ZNF335: variants seen among roughly 807,000 people sequenced by gnomAD.
ZNF335 encodes the protein NRC-interacting factor 1.
ZNF335 carries 84 observed loss-of-function variants against 145.6 expected under a neutral mutation model. The observed-to-expected ratio is 0.58, with a 90% confidence interval of 0.48 to 0.69. The LOEUF (loss-of-function observed/expected upper bound fraction) is 0.69. Ranked by LOEUF, ZNF335 falls within the 30% of genes least tolerant of loss-of-function variation. The pLI is 0.00. For missense variants in ZNF335, 1,865 were observed against 1,809.7 expected (o/e 1.03, Z -0.55); for synonymous variants, 761 against 717.0 (o/e 1.06, Z -0.98).
chr20:45,962,320 G>A (rs1162419822), intron 9 of ZNF335, 138 bp from the exon 10 acceptor site: 9 of 677,770 alleles, frequency 1.3e-5, no homozygotes, highest in Admixed American at 2.4e-5. Flanking sequence ...AACACACCCC[G>A]ACGCAAGGGT....
At chr20:45,969,399 G>A in intron 3 of ZNF335, 52 bp downstream of exon 3, 1 of 1,451,040 alleles carries the variant, frequency 6.9e-7, no homozygotes, top group South Asian at 1.6e-5. Context: ...GGGCACAGCT[G>A]GCTGCCGGAC....
Position 45,949,072 on chromosome 20 carries a change from C to T in ZNF335, c.3910G>A (p.Asp1304Asn), listed in dbSNP as rs2083577154. 5 of 1,613,672 alleles carry T rather than the reference C, an allele frequency of 3.1e-6. No homozygotes were observed. In the South Asian group the frequency reaches 5.5e-5, roughly 18 times the overall value. The change falls in exon 28 of 28, where the codon GAT becomes AAT. Residue 1304 changes from aspartate (D) to asparagine (N), a missense_variant. By Grantham distance (23) the Asp-to-Asn change is conservative. Transcript: ENST00000322927. Reference protein sequence around the residue: ...AAHSAVTAVADAAMAQAQGLF... With the variant: ...AAHSAVTAVANAAMAQAQGLF... ...CCCTGGGCTTGGGCCATGGCAGCAT[C>T]AGCCACTGCTGCCAGGGGAGGGGAA... is the stretch of plus-strand genomic sequence containing the variant.
rs1175535667 is a variant in ZNF335 at position 45,971,141 on chromosome 20, C to T, written c.201+69G>A. The T allele has an allele frequency of 4.1e-6, 6 of 1,450,104 alleles. No homozygotes were observed. In the South Asian group the frequency reaches 4.3e-5, roughly 10 times the overall value. The allele number at this position is 1,450,104 out of a possible 1,614,324, so 89.8% of individuals were successfully genotyped here. ...TATTAGCTACAAACAAGCCTTGTTT[C>T]CTCTTGGCTGTCAGGCACTGCTGCT... On this transcript the variant is annotated intron_variant, in intron 2 of 27. Coordinates refer to ENST00000322927, the MANE Select transcript of ZNF335 (RefSeq NM_022095.4).
At chr20:45,955,675 C>T (rs73622635) in intron 17 of ZNF335, among the ~76,000 whole-genome samples, 1 of 151,920 alleles carries the variant, frequency 6.6e-6, no homozygotes, top group African/African-American at 2.4e-5. Flanking sequence ...AAAAAAGTAG[C>T]CAGGTGTGGT....
chr20:45,963,827 G>A lies in ZNF335; in HGVS notation c.1266C>T (p.Asn422=), dbSNP rs759735363. The change falls in exon 8 of 28, where the codon AAC becomes AAT. Residue 422 remains asparagine (N), a synonymous_variant. Transcript: ENST00000322927. ...GCTCATCCGGGCAGGAGGGGGCTGC[G>A]TTCTCTGCATCTGACTGGCTCACAC... ...EAGVSQSDAE[N]AAPSCPDEHD... is the part of the protein sequence containing the mutation. The A allele has an allele frequency of 5.6e-6, 9 of 1,613,844 alleles. No individual in the cohort carries two copies. In the East Asian group the frequency reaches 6.7e-5, roughly 12 times the overall value.
intron 9 of ZNF335, among the ~76,000 whole-genome samples, chr20:45,962,884 G>C (rs957312061): frequency 6.9e-6 from 1 of 145,592 alleles, no homozygotes; most frequent in Non-Finnish European, 1.5e-5. Context: ...TGTGATCTTG[G>C]CTCACTGCAA....
intron 10 of ZNF335, among the ~76,000 whole-genome samples, chr20:45,961,181 C>T (rs1453704246): frequency 7.2e-5 from 11 of 152,102 alleles, no homozygotes; most frequent in Non-Finnish European, 7.4e-5. Context: ...AGTTTGAGAC[C>T]AGCCTGGGCA....
At chr20:45,949,463 C>T in intron 25 of ZNF335, 22 bp downstream of exon 25, 1 of 1,613,930 alleles carries the variant, frequency 6.2e-7, no homozygotes, top group Middle Eastern at 1.6e-4. Flanking sequence ...CACACAGCAC[C>T]CTCATCCCAG....
rs1038556619 is a variant in ZNF335, at chr20:45,949,476, C to G, written c.3753+9G>C. The G allele has an allele frequency of 6.2e-7, 1 of 1,613,860 alleles. No homozygotes were observed. The highest frequency in any genetic ancestry group is 1.1e-5 in the South Asian group (1 of 91,072). On this transcript the variant is annotated intron_variant, in intron 25 of 27. Coordinates refer to ENST00000322927, the MANE Select transcript of ZNF335 (RefSeq NM_022095.4). The stretch of plus-strand genomic sequence containing the variant: ...ACCACACAGCACCCTCATCCCAGGT[C>G]TGGCCTACCTGGATGTGATGGCCTT...
At chr20:45,949,768 G>A (rs1399512051) in intron 24 of ZNF335, 32 bp downstream of exon 24, 1 of 1,612,438 alleles carries the variant, frequency 6.2e-7, no homozygotes, top group Non-Finnish European at 8.5e-7. Context: ...GGAGGTCACA[G>A]CTGAGGGGAT....
At chr20:45,959,479 C>A in intron 14 of ZNF335, 46 bp from the exon 15 acceptor site, 2 of 1,332,448 alleles carry the variant, frequency 1.5e-6, no homozygotes, top group Non-Finnish European at 2.0e-6. Context: ...CGTCCCTAGC[C>A]TACCCCCTCC....
rs988849625 is a variant in ZNF335, at chr20:45,949,657, G to A, written c.3670-89C>T. The A allele has an allele frequency of 2.7e-6, 4 of 1,465,598 alleles. No individual in the cohort carries two copies. The African/African-American group carries it at 4.2e-5, about 15-fold the overall frequency. The allele number at this position is 1,465,598 out of a possible 1,614,324, so 90.8% of individuals were successfully genotyped here. Reference sequence around the variant, plus strand: ...CTAAGAAGGCAGAGTGGAAGACTAGGAACAGCCACCAGCAACAATGCAGTT... The same window carrying A: ...CTAAGAAGGCAGAGTGGAAGACTAGAAACAGCCACCAGCAACAATGCAGTT... On this transcript the variant is annotated intron_variant, in intron 24 of 27. Transcript: ENST00000322927.
At chr20:45,962,854 C>T (rs1205980554) in intron 9 of ZNF335, among the ~76,000 whole-genome samples, 1 of 140,640 alleles carries the variant, frequency 7.1e-6, no homozygotes, top group Admixed American at 7.1e-5. Flanking sequence ...GCTCTTGTTG[C>T]CCAGGCTGGA....
At position 45,950,282 on chromosome 20, in the gene ZNF335, T is replaced by A; in HGVS notation, c.3424A>T (p.Thr1142Ser). The stretch of plus-strand genomic sequence containing the variant: ...ATGATGGTCTGGGTTGGGGTCTGGG[T>A]AGGGGCCCGGGCTGTAGGGGTTCCT... ...KSGTPTARAP[T>S]QTPTQTIILN... is the part of the protein sequence containing the mutation. The change falls in exon 22 of 28, where the codon ACC (threonine) becomes TCC (serine). Residue 1142 changes from threonine to serine, a missense_variant. Coordinates refer to ENST00000322927, the MANE Select transcript of ZNF335 (RefSeq NM_022095.4). 1 of 1,558,140 alleles carries A rather than the reference T, an allele frequency of 6.4e-7. No individual in the cohort carries two copies. The highest frequency in any genetic ancestry group is 8.7e-7 in the Non-Finnish European group (1 of 1,150,822).
chr20:45,957,455 C>A, intron 17 of ZNF335, 131 bp downstream of exon 17: 1 of 823,976 alleles, frequency 1.2e-6, no homozygotes, highest in South Asian at 1.7e-5. Context: ...GCAGATCTGT[C>A]TCCTCCACTG....
chr20:45,961,122 C>A (rs973989079), intron 10 of ZNF335, among the ~76,000 whole-genome samples: 49 of 152,166 alleles, frequency 3.2e-4, no homozygotes, highest in Admixed American at 3.9e-4. Context: ...CTGTCAATCA[C>A]AAAATGTTAC....
intron 6 of ZNF335, among the ~76,000 whole-genome samples, chr20:45,966,551 C>CTTT (rs34666532): frequency 4.2e-4 from 59 of 140,568 alleles, no homozygotes; most frequent in African/African-American, 1.4e-3. Context: ...CTTTTTCTTT[C>CTTT]TTTTTTTTTT....
intron 20 of ZNF335, among the ~76,000 whole-genome samples, chr20:45,951,557 A>G (rs1238107555): frequency 6.6e-6 from 1 of 152,198 alleles, no homozygotes; most frequent in Admixed American, 6.5e-5. Context: ...AGTTCATCAG[A>G]TATTAGTTAG....
chr20:45,958,336 C>A (rs1363611453), intron 15 of ZNF335, among the ~76,000 whole-genome samples: 1 of 152,218 alleles, frequency 6.6e-6, no homozygotes, highest in Non-Finnish European at 1.5e-5. Flanking sequence ...CATGGGCCAC[C>A]ATGCCCAGCC....
Sources: allele counts gnomAD v4.1 joint callset (sites outside exome capture counted in the v4.1 genomes callset), GRCh38; gene constraint gnomAD v4.1.1; transcripts MANE v1.5; gene names NCBI Gene and HGNC (gene_info 2026-07-23, HGNC 2026-07-21).